The following MUC5B variants were observed in gnomAD, a reference collection of about 807,000 sequenced individuals.
The protein encoded by MUC5B is mucin-5B.
A neutral mutation model predicts 376.9 loss-of-function variants in MUC5B; 116 were observed. That is an observed-to-expected ratio of 0.31 (90% CI 0.26 to 0.36). MUC5B has a LOEUF of 0.36. Ranked by LOEUF, MUC5B falls within the 10% of genes least tolerant of loss-of-function variation. The probability of loss-of-function intolerance (pLI) is 1.00; values close to 1 mark genes in which losing one functional copy is unlikely to be tolerated. For missense variants in MUC5B, 7,165 were observed against 7,769.9 expected, an observed-to-expected ratio of 0.92 and a Z score of 2.93; for synonymous variants, 3,517 against 3,390.9, an observed-to-expected ratio of 1.04 and a Z score of -1.29.
intron 24 of MUC5B, 127 bp from the exon 25 acceptor site, chr11:1,236,798 G>A (rs1041625318): frequency 3.2e-6 from 4 of 1,262,658 alleles, no homozygotes; most frequent in African/African-American, 3.0e-5. Flanking sequence ...ACCAGGCACT[G>A]CCTGGGGAAC....
Position 1,232,815 on chromosome 11 carries a change from G to A in MUC5B, c.2065+45G>A, listed in dbSNP as rs1862060385. On this transcript the variant is annotated intron_variant, in intron 17 of 48. Transcript: ENST00000529681. Reference sequence around the variant, plus strand: ...GTGGGATGTGTCCACACCGCGTGGGGGTGCGGGGGACCCTGGCCGGCAGCA... The same window carrying A: ...GTGGGATGTGTCCACACCGCGTGGGAGTGCGGGGGACCCTGGCCGGCAGCA... The A allele has an allele frequency of 2.0e-6, 3 of 1,536,682 alleles. No individual in the cohort carries two copies. In the South Asian group the frequency reaches 3.7e-5, roughly 19 times the overall value.
In MUC5B at chr11:1,261,720, C is replaced by G. The variant is rs1321650723; in HGVS notation, c.*112C>G. ...GGAGCCCCCCGGCCTGTGTGTGGCA[C>G]CCCGCGCTCCGTGCTCCTGCTGCCC... On this transcript the variant is annotated 3_prime_UTR_variant, in exon 49 of 49. Coordinates refer to ENST00000529681, the MANE Select transcript of MUC5B (RefSeq NM_002458.3). The G allele has an allele frequency of 1.8e-6, 2 of 1,107,812 alleles. No individual in the cohort carries two copies. The highest frequency in any genetic ancestry group is 1.3e-6 in the Non-Finnish European group (1 of 755,710). The allele number at this position is 1,107,812 out of a possible 1,614,324, so 68.6% of individuals were successfully genotyped here.
In MUC5B at chr11:1,245,639, A is replaced by C; in HGVS notation, c.8759A>C (p.Gln2920Pro). 1.3e-6 allele frequency: 2 copies of C among 1,598,462 alleles called. No homozygotes were observed. Among genetic ancestry groups the C allele is most frequent in the Non-Finnish European group, 1.7e-6 (2 of 1,172,770 alleles). ...EQPLGLECRA[Q>P]AQPGVPLREL... ...CCCCTGGGCCTCGAGTGCCGTGCCC[A>C]GGCCCAGCCTGGTGTCCCCCTGCGG... The change falls in exon 31 of 49, where the codon CAG (glutamine) becomes CCG (proline). Residue 2920 changes from glutamine (Q) to proline (P), a missense_variant. Physicochemically the swap from Gln to Pro is moderately conservative, Grantham distance 76. Around this residue, in one of 31 missense-constraint regions of MUC5B, gnomAD observed 57 missense variants for 167.2 expected, o/e 0.34. Transcript: ENST00000529681.
At chr11:1,233,946 C>T in intron 19 of MUC5B, 98 bp downstream of exon 19, 1 of 1,246,818 alleles carries the variant, frequency 8.0e-7, no homozygotes, top group Non-Finnish European at 1.1e-6. Context: ...CCCACCTGAA[C>T]CCTGCCGGGC....
chr11:1,244,956 C>A lies in MUC5B; in HGVS notation c.8076C>A (p.Thr2692=). The change falls in exon 31 of 49, where the codon ACC becomes ACA. Residue 2692 remains threonine, a synonymous_variant. Coordinates refer to ENST00000529681, the MANE Select transcript of MUC5B (RefSeq NM_002458.3). ...QTSGTPPSLT[T]TATTITATGS... ...GTGGTACTCCCCCATCACTGACCAC[C>A]ACGGCCACTACGATCACGGCCACCG... is the stretch of plus-strand genomic sequence containing the variant. The A allele has an allele frequency of 6.4e-7, 1 of 1,572,092 alleles. No homozygotes were observed. Among genetic ancestry groups the A allele is most frequent in the Non-Finnish European group, 8.6e-7 (1 of 1,159,208 alleles).
chr11:1,234,773 C>T lies in MUC5B; in HGVS notation c.2630+93C>T, dbSNP rs905176857. ...GGCAGCGGGCAGGGAGGGCAGGGGG[C>T]GGGGAGGGCAGGGGGCCAGCTGGCC... On this transcript the variant is annotated intron_variant, in intron 21 of 48. Transcript: ENST00000529681. This position sits in a 1 kb window ranked among gnomAD's most constrained non-coding sequence, Gnocchi z 6.3. 9.2e-5 allele frequency: 6 copies of T among 65,498 alleles called. No individual in the cohort carries two copies. Among genetic ancestry groups the T allele is most frequent in the African/African-American group, 4.3e-4 (2 of 4,660 alleles). 4.1% of individuals were successfully genotyped at this position (65,498 alleles called of 1,614,324 possible). A position where few individuals can be genotyped will look rare whatever the true frequency, so the allele number is the denominator to read the frequency against.
chr11:1,232,785 TG>T lies in MUC5B; in HGVS notation c.2065+20del. The T allele has an allele frequency of 6.3e-7, 1 of 1,582,844 alleles. No individual in the cohort carries two copies. On this transcript the variant is annotated intron_variant, in intron 17 of 48. Transcript: ENST00000529681. ...CGGCGTCTGCAGTGAGTGCCCACGC[TG>T]GGGGTGGGATGTGTCCACACCGCGT...
Position 1,256,197 on chromosome 11 carries a change from C to G in MUC5B, c.16108C>G (p.Pro5370Ala), listed in dbSNP as rs1862829992. The G allele has an allele frequency of 1.4e-6, 1 of 734,934 alleles. No homozygotes were observed. Among genetic ancestry groups the G allele is most frequent in the African/African-American group, 1.7e-5 (1 of 57,634 alleles). The allele number at this position is 734,934 out of a possible 1,614,324, so 45.5% of individuals were successfully genotyped here. The change falls in exon 38 of 49, where the codon CCC becomes GCC. Residue 5370 changes from proline (P) to alanine (A), a missense_variant. Pro to Ala is a conservative substitution (Grantham distance 27). This residue lies in a region of MUC5B where 842 missense variants were observed against 1,016.9 expected (regional missense o/e 0.83). Transcript: ENST00000529681. ...PPTKVYKPCG[P>A]IQPATCNSRN... ...CACCAAAGTGTACAAGCCATGCGGC[C>G]CCATACAGCCTGCCACCTGCAACTC...
Position 1,244,829 on chromosome 11 carries a change from C to A in MUC5B, c.7949C>A (p.Ser2650Tyr), listed in dbSNP as rs1180502030. Residue 2650 changes from serine to tyrosine, a missense_variant, in exon 31 of 49, where the codon TCC (serine) becomes TAC (tyrosine). Ser to Tyr is a moderately radical substitution (Grantham distance 144). This residue lies in a region of MUC5B where 141 missense variants were observed against 111.2 expected (regional missense o/e 1.27). Coordinates refer to ENST00000529681, the MANE Select transcript of MUC5B (RefSeq NM_002458.3). ...ACCAGAGGTTCCACGGTGACCCCCT[C>A]CTCCATCCCGGGGACCACCCACACC... ...PTTRGSTVTP[S>Y]SIPGTTHTPT... is the part of the protein sequence containing the mutation. 6.2e-7 allele frequency: 1 copy of A among 1,613,620 alleles called. No homozygotes were observed. The highest frequency in any genetic ancestry group is 8.5e-7 in the Non-Finnish European group (1 of 1,179,788).
Position 1,250,883 on chromosome 11 carries a change from C to T in MUC5B, c.14003C>T (p.Ser4668Phe). 1.3e-6 allele frequency: 2 copies of T among 1,591,292 alleles called. No individual in the cohort carries two copies. Among genetic ancestry groups the T allele is most frequent in the South Asian group, 2.2e-5 (2 of 89,140 alleles). The change falls in exon 31 of 49, where the codon TCC becomes TTC. Residue 4668 changes from serine to phenylalanine, a missense_variant. By Grantham distance (155) the Ser-to-Phe change is radical. This residue lies in a region of MUC5B where 730 missense variants were observed against 592.7 expected (regional missense o/e 1.23). Transcript: ENST00000529681. ...GCCACTGGTTCTATGGCAACACCCT[C>T]CTCTAGCACACAGACCAGTGGTACT... is the stretch of plus-strand genomic sequence containing the variant. The part of the protein sequence containing the change: ...TVATGSMATP[S>F]SSTQTSGTPP...
intron 1 of MUC5B, among the ~76,000 whole-genome samples, chr11:1,224,566 TGGGGCTGGGGA>T (rs1283400876): frequency 2.0e-4 from 1 of 5,128 alleles, no homozygotes. Flanking sequence ...AGGGGCTGCC[TGGGGCTGGGGA>T]GGGGCTGCTG....
intron 12 of MUC5B, 49 bp from the exon 13 acceptor site, chr11:1,230,887 G>A: frequency 6.4e-7 from 1 of 1,551,370 alleles, no homozygotes; most frequent in Non-Finnish European, 8.7e-7. Context: ...TTGAGAGTCG[G>A]GAATGGGTTC....
chr11:1,254,086 C>G lies in MUC5B; in HGVS notation c.15218-6C>G. ...GCCTGCCAGCCCGTCCATCTCTGTC[C>G]CGCAGGCATCTGCAGCATGTGGGGC... On this transcript the variant is annotated splice_region_variant and splice_polypyrimidine_tract_variant and intron_variant, in intron 33 of 48. Coordinates refer to ENST00000529681, the MANE Select transcript of MUC5B (RefSeq NM_002458.3). The G allele has an allele frequency of 1.9e-6, 3 of 1,610,428 alleles. No homozygotes were observed. Among genetic ancestry groups the G allele is most frequent in the Non-Finnish European group, 2.5e-6 (3 of 1,179,464 alleles).
rs1399262171 is a variant in MUC5B, at chr11:1,242,393, T to C, written c.5513T>C (p.Val1838Ala). ...IECRAENYPE[V>A]SIDQVGQVLT... The stretch of plus-strand genomic sequence containing the variant: ...TGCCGGGCGGAGAACTACCCCGAGG[T>C]AAGCATCGACCAGGTCGGGCAGGTG... The change falls in exon 31 of 49, where the codon GTA becomes GCA. Residue 1838 changes from valine (V) to alanine (A), a missense_variant. Val to Ala is a moderately conservative substitution (Grantham distance 64). Transcript: ENST00000529681. The C allele has an allele frequency of 1.2e-5, 20 of 1,613,782 alleles. No individual in the cohort carries two copies. The highest frequency in any genetic ancestry group is 1.7e-5 in the Non-Finnish European group (20 of 1,179,850).
intron 23 of MUC5B, among the ~76,000 whole-genome samples, chr11:1,235,732 C>T (rs1436888137): frequency 2.0e-5 from 3 of 152,074 alleles, no homozygotes; most frequent in South Asian, 2.1e-4. Flanking sequence ...GCTGTGTCTG[C>T]GTCTGTCTTC....
chr11:1,255,294 C>T (rs1862807436), intron 36 of MUC5B, 28 bp downstream of exon 36: 6 of 1,505,626 alleles, frequency 4.0e-6, no homozygotes. Flanking sequence ...GGGTTGCAGG[C>T]CCTGGGGCGC....
At position 1,249,260 on chromosome 11, in the gene MUC5B, G is replaced by T. The variant is rs1358268168; in HGVS notation, c.12380G>T (p.Gly4127Val). Residue 4127 changes from glycine to valine, a missense_variant, in exon 31 of 49, where the codon GGC becomes GTC. Physicochemically the swap from Gly to Val is moderately radical, Grantham distance 109 (BLOSUM62 -3). Around this residue, in one of 31 missense-constraint regions of MUC5B, gnomAD observed 47 missense variants for 88.4 expected, o/e 0.53. Coordinates refer to ENST00000529681, the MANE Select transcript of MUC5B (RefSeq NM_002458.3). ...CCCATAACCACGGTGGTGACCACGG[G>T]CTGTGAGCCCCAGTGTGCCTGGTCA... The part of the protein sequence containing the change: ...SAPITTVVTT[G>V]CEPQCAWSEW... The T allele has an allele frequency of 1.9e-6, 3 of 1,611,472 alleles. No individual in the cohort carries two copies. Among genetic ancestry groups the T allele is most frequent in the South Asian group, 2.2e-5 (2 of 90,980 alleles).
At chr11:1,256,808 G>T (rs1262764246) in intron 39 of MUC5B, 37 bp downstream of exon 39, 5 of 1,480,804 alleles carry the variant, frequency 3.4e-6, no homozygotes, top group Non-Finnish European at 3.6e-6. Context: ...ACGACCCTGG[G>T]CCCGACCCAA....
rs1241156714 is a variant in MUC5B, at chr11:1,254,075, C to T, written c.15218-17C>T. The T allele has an allele frequency of 1.2e-6, 2 of 1,606,840 alleles. No homozygotes were observed. Among genetic ancestry groups the T allele is most frequent in the African/African-American group, 2.7e-5 (2 of 74,846 alleles). On this transcript the variant is annotated splice_polypyrimidine_tract_variant and intron_variant, in intron 33 of 48. Coordinates refer to ENST00000529681, the MANE Select transcript of MUC5B (RefSeq NM_002458.3). ...ACCACCACGGAGCCTGCCAGCCCGT[C>T]CATCTCTGTCCCGCAGGCATCTGCA...
Sources: gnomAD v4.1 joint callset for allele counts (sites outside exome capture counted in the v4.1 genomes callset) on GRCh38, gnomAD v4.1.1 for gene constraint, gnomAD v4.1.1 regional missense constraint, Gnocchi (gnomAD v3.1) non-coding constraint, MANE v1.5 for transcripts, NCBI Gene and HGNC (gene_info 2026-07-23, HGNC 2026-07-21) for gene names.